The following PLAGL1 variants were observed in gnomAD, a reference collection of about 807,000 sequenced individuals.
The protein encoded by PLAGL1 is zinc finger protein PLAGL1.
PLAGL1 carries 1 observed loss-of-function variant against 4.6 expected under a neutral mutation model. The ratio of observed to expected loss-of-function variants is 0.22; its 90% CI spans 0.08 to 1.03. The LOEUF (loss-of-function observed/expected upper bound fraction) is 1.03. Among genes scored for constraint, PLAGL1 ranks in the 50% least tolerant of loss-of-function variants. The pLI is 0.58. For synonymous variants in PLAGL1, 240 were observed against 237.8 expected (o/e 1.01, Z -0.08); for missense variants, 464 against 570.4 (o/e 0.81, Z 1.90).
intron 1 of PLAGL1, among the ~76,000 whole-genome samples, chr6:144,051,677 C>T (rs1283479987): frequency 1.3e-5 from 2 of 152,232 alleles, no homozygotes; most frequent in Non-Finnish European, 2.9e-5. Flanking sequence ...TACAGTTCCA[C>T]ATTGCTGGAG....
Position 143,964,543 on chromosome 6 carries a change from C to T in PLAGL1, c.-399+244G>A, listed in dbSNP as rs1200326132. The stretch of plus-strand genomic sequence containing the variant: ...ACTTGTGGGGCACCTCAATAAAGTG[C>T]AGAATCTTAGAACAGTGCACATCTG... On this transcript the variant is annotated intron_variant, in intron 5 of 7. Transcript: ENST00000674357. The surrounding 1 kb of genome is among the most constrained non-coding windows in gnomAD (Gnocchi z 4.3). 6.6e-6 allele frequency among the ~76,000 whole-genome samples: 1 copy of T among 152,184 alleles called. No individual in the cohort carries two copies. Among genetic ancestry groups the T allele is most frequent in the Non-Finnish European group, 1.5e-5 (1 of 68,030 alleles).
rs1785801390 is a variant in PLAGL1, at chr6:143,973,451, T to C, written c.-543-4473A>G. Among the ~76,000 whole-genome samples the C allele has an allele frequency of 6.6e-6, 1 of 152,166 alleles. No homozygotes were observed. Among genetic ancestry groups the C allele is most frequent in the South Asian group, 2.1e-4 (1 of 4,826 alleles). Reference sequence around the variant, plus strand: ...GCATAATATACTGCTCGCTAGTTCATCCAAGGTCAGAGGGAGAAAACAAGC... The same window carrying C: ...GCATAATATACTGCTCGCTAGTTCACCCAAGGTCAGAGGGAGAAAACAAGC... On this transcript the variant is annotated intron_variant, in intron 2 of 7. Coordinates refer to ENST00000674357, the MANE Select transcript of PLAGL1 (RefSeq NM_001317162.2). The surrounding 1 kb of genome is among the most constrained non-coding windows in gnomAD (Gnocchi z 6.2).
At position 144,039,170 on chromosome 6, in the gene PLAGL1, T is replaced by C. The variant is rs908232761; in HGVS notation, c.-151+25298A>G. The stretch of plus-strand genomic sequence containing the variant: ...TTACAAATAAATAAGGAAGAGACAA[T>C]CCAAAAGAAAAATGGGCAAGGCATA... On this transcript the variant is annotated intron_variant, in intron 1 of 3. Transcript: ENST00000437412. This position sits in a 1 kb window ranked among gnomAD's most constrained non-coding sequence, Gnocchi z 4.1. Among the ~76,000 whole-genome samples, 11 of 151,588 alleles carry C rather than the reference T, an allele frequency of 7.3e-5. No individual in the cohort carries two copies. The South Asian group carries it at 2.3e-3, about 31-fold the overall frequency.
intron 2 of PLAGL1, among the ~76,000 whole-genome samples, chr6:143,976,010 A>G (rs1028311614): frequency 2.6e-5 from 4 of 152,194 alleles, no homozygotes; most frequent in African/African-American, 9.7e-5. Flanking sequence ...GAGAAAACAG[A>G]TTAATTATGT....
Position 143,952,823 on chromosome 6 carries a change from C to T in PLAGL1, c.-324-4363G>A, listed in dbSNP as rs76690880. 4.0e-3 allele frequency among the ~76,000 whole-genome samples: 609 copies of T among 152,304 alleles called. 2 individuals carry two copies. Among genetic ancestry groups the T allele is most frequent in the African/African-American group, 0.014 (589 of 41,556 alleles). On this transcript the variant is annotated intron_variant, in intron 6 of 7. Coordinates refer to ENST00000674357, the MANE Select transcript of PLAGL1 (RefSeq NM_001317162.2). This position sits in a 1 kb window ranked among gnomAD's most constrained non-coding sequence, Gnocchi z 6.1. The stretch of plus-strand genomic sequence containing the variant: ...CCATTTCTGAGAGGAAAGTGAATTT[C>T]CACTTTTGGTCTTCCAACAAGGGTG...
At chr6:144,002,435 C>T (rs2328537) in intron 1 of PLAGL1, among the ~76,000 whole-genome samples, 56,990 of 151,788 alleles carry the variant, frequency 0.38, 10,794 homozygotes, top group Non-Finnish European at 0.42. Flanking sequence ...TGCAATAAGG[C>T]AAGAAAAGGC....
At chr6:144,012,306 G>A (rs147718574), upstream of PLAGL1, among the ~76,000 whole-genome samples, 317 of 152,110 alleles carry the variant, frequency 2.1e-3, 2 homozygotes, top group Middle Eastern at 0.024. The surrounding 1 kb of genome is among the most constrained non-coding windows in gnomAD (Gnocchi z 4.8). Context: ...CCTGCCTCCC[G>A]GGTTCAAGCA....
chr6:143,976,281 T>TTTTC (rs1168050077), intron 2 of PLAGL1, among the ~76,000 whole-genome samples: 3 of 104,128 alleles, frequency 2.9e-5, no homozygotes, highest in South Asian at 3.8e-4. Flanking sequence ...CTGAGATTTC[T>TTTTC]TTTCTTTTTT....
At position 144,004,477 on chromosome 6, in the gene PLAGL1, C is replaced by T. The variant is rs1185272906; in HGVS notation, c.-584+3613G>A. Among the ~76,000 whole-genome samples the T allele has an allele frequency of 6.6e-6, 1 of 152,100 alleles. No individual in the cohort carries two copies. Among genetic ancestry groups the T allele is most frequent in the African/African-American group, 2.4e-5 (1 of 41,428 alleles). ...CTTATACATGCAACATGGATGAATACAATGTGAACAAAAGAATAAACTGTA... is the reference window on the plus strand; with the variant it reads ...CTTATACATGCAACATGGATGAATATAATGTGAACAAAAGAATAAACTGTA... On this transcript the variant is annotated intron_variant, in intron 1 of 7. Coordinates refer to ENST00000674357, the MANE Select transcript of PLAGL1 (RefSeq NM_001317162.2). This position sits in a 1 kb window ranked among gnomAD's most constrained non-coding sequence, Gnocchi z 4.2.
At chr6:144,017,971 C>T (rs1172123862) in intron 1 of PLAGL1, among the ~76,000 whole-genome samples, 1 of 152,196 alleles carries the variant, frequency 6.6e-6, no homozygotes, top group South Asian at 2.1e-4. Context: ...AGATTGTAAT[C>T]ATTTTCTCAC....
intron 1 of PLAGL1, among the ~76,000 whole-genome samples, chr6:144,030,012 G>C (rs1227771094): frequency 6.6e-6 from 1 of 152,058 alleles, no homozygotes; most frequent in Non-Finnish European, 1.5e-5. Context: ...CCAGCACTTT[G>C]GGAGGCCGAG....
At chr6:143,956,403 G>A (rs1782149706) in intron 6 of PLAGL1, among the ~76,000 whole-genome samples, 1 of 152,134 alleles carries the variant, frequency 6.6e-6, no homozygotes, top group Admixed American at 6.5e-5. Flanking sequence ...AATCCCCCCA[G>A]CTCCTCTTGG....
chr6:143,947,536 G>C lies in PLAGL1; in HGVS notation c.152+449C>G, dbSNP rs1216807630. 9.2e-5 allele frequency among the ~76,000 whole-genome samples: 14 copies of C among 152,130 alleles called. No homozygotes were observed. Among genetic ancestry groups the C allele is most frequent in the Non-Finnish European group, 2.1e-4 (14 of 68,026 alleles). ...CCTCGGATAGTACCCTCTGCACATG[G>C]GTGCTTTAAGGCCAAGACTTATGGC... is the stretch of plus-strand genomic sequence containing the variant. On this transcript the variant is annotated intron_variant, in intron 7 of 7. Transcript: ENST00000674357. The surrounding 1 kb of genome is among the most constrained non-coding windows in gnomAD (Gnocchi z 4.3).
chr6:143,960,556 C>T lies in PLAGL1; in HGVS notation c.-398-14G>A, dbSNP rs1370708679. The T allele has an allele frequency of 6.6e-6, 1 of 152,194 alleles. No homozygotes were observed. Among genetic ancestry groups the T allele is most frequent in the Non-Finnish European group, 1.5e-5 (1 of 68,036 alleles). 9.4% of individuals were successfully genotyped at this position (152,194 alleles called of 1,614,324 possible). On this transcript the variant is annotated splice_polypyrimidine_tract_variant and intron_variant, in intron 5 of 7. Transcript: ENST00000674357. The surrounding 1 kb of genome is among the most constrained non-coding windows in gnomAD (Gnocchi z 5.7). ...GAAGATTCAAACCTGTGAGAAGAGA[C>T]CTTGTACATCGTCAGGGAATGAAGC... is the stretch of plus-strand genomic sequence containing the variant.
In PLAGL1 at chr6:143,994,726, T is replaced by C. The variant is rs909842003; in HGVS notation, c.-583-9552A>G. Among the ~76,000 whole-genome samples, 7 of 152,306 alleles carry C rather than the reference T, an allele frequency of 4.6e-5. No homozygotes were observed. The highest frequency in any genetic ancestry group is 1.4e-4 in the African/African-American group (6 of 41,576). Reference sequence around the variant, plus strand: ...TTCAAATGTGTCCTCAAAATTCAAATGTTGAAAACCCAAACCCTAATGTGA... The same window carrying C: ...TTCAAATGTGTCCTCAAAATTCAAACGTTGAAAACCCAAACCCTAATGTGA... On this transcript the variant is annotated intron_variant, in intron 1 of 7. Coordinates refer to ENST00000674357, the MANE Select transcript of PLAGL1 (RefSeq NM_001317162.2). This position sits in a 1 kb window ranked among gnomAD's most constrained non-coding sequence, Gnocchi z 4.3.
intron 1 of PLAGL1, among the ~76,000 whole-genome samples, chr6:144,002,883 C>CTTTTTTTTT (rs34276412): frequency 6.9e-6 from 1 of 144,034 alleles, no homozygotes. Flanking sequence ...TTCTGGTAGG[C>CTTTTTTTTT]TTTTTTTTTT....
Position 143,979,408 on chromosome 6 carries a change from G to A in PLAGL1, c.-544+5727C>T, listed in dbSNP as rs114831561. ...CGATCTTGTTATTTGTTGTCTAATT[G>A]CCTCAATTATTCTTTGTTCCTTTTC... On this transcript the variant is annotated intron_variant, in intron 2 of 7. Coordinates refer to ENST00000674357, the MANE Select transcript of PLAGL1 (RefSeq NM_001317162.2). The surrounding 1 kb of genome is among the most constrained non-coding windows in gnomAD (Gnocchi z 4.6). Among the ~76,000 whole-genome samples, 1 of 152,080 alleles carries A rather than the reference G, an allele frequency of 6.6e-6. No homozygotes were observed. Among genetic ancestry groups the A allele is most frequent in the African/African-American group, 2.4e-5 (1 of 41,538 alleles).
rs537124816 is a variant in PLAGL1 at position 143,959,099 on chromosome 6, C to T, written c.-325+1370G>A. 6.6e-6 allele frequency among the ~76,000 whole-genome samples: 1 copy of T among 152,346 alleles called. No homozygotes were observed. The highest frequency in any genetic ancestry group is 2.1e-4 in the South Asian group (1 of 4,832). On this transcript the variant is annotated intron_variant, in intron 6 of 7. Transcript: ENST00000674357. The surrounding 1 kb of genome is among the most constrained non-coding windows in gnomAD (Gnocchi z 5.3). ...TGTGCTGCTCTGCGCTCCCCGTCGCCCCGGAGGCCGGCACCTTGCTCACAA... is the reference window on the plus strand; with the variant it reads ...TGTGCTGCTCTGCGCTCCCCGTCGCTCCGGAGGCCGGCACCTTGCTCACAA...
At chr6:143,992,786 T>C (rs1168379462) in intron 1 of PLAGL1, among the ~76,000 whole-genome samples, 1 of 152,090 alleles carries the variant, frequency 6.6e-6, no homozygotes, top group Non-Finnish European at 1.5e-5. Context: ...AAGACCAGCC[T>C]GGCCAACATG....
Sources: allele counts gnomAD v4.1 joint callset (sites outside exome capture counted in the v4.1 genomes callset), GRCh38; gene constraint gnomAD v4.1.1; non-coding constraint Gnocchi (gnomAD v3.1); transcripts MANE v1.5; gene names NCBI Gene and HGNC (gene_info 2026-07-23, HGNC 2026-07-21).